APTX: variants seen among roughly 807,000 people sequenced by gnomAD.
APTX encodes the protein forkhead-associated domain histidine triad-like protein.
In APTX, 33 loss-of-function variants were observed where a neutral mutation model predicts 42.3. The ratio of observed to expected loss-of-function variants is 0.78; its 90% CI spans 0.59 to 1.04. APTX has a LOEUF of 1.04. APTX is among the 50% of genes least tolerant of loss of function. The pLI, the probability that APTX is intolerant of heterozygous loss-of-function variation, is 0.00. For missense variants in APTX, 421 were observed against 415.1 expected (o/e 1.01, Z -0.12); for synonymous variants, 130 against 146.7 (o/e 0.89, Z 0.82).
rs920097055 is a variant in APTX, at chr9:32,988,579, C to A, written c.134-450G>T. Among the ~76,000 whole-genome samples, 4 of 146,838 alleles carry A rather than the reference C, an allele frequency of 2.7e-5. No individual in the cohort carries two copies. In the East Asian group the frequency reaches 6.2e-4, roughly 23 times the overall value. On this transcript the variant is annotated intron_variant, in intron 2 of 7. Coordinates refer to ENST00000379817, the MANE Select transcript of APTX (RefSeq NM_001195248.2). ...CCTGTAGTCCCAGCTACTTGGGAGA[C>A]TGAGGTGGGAGAATCACTTGAGCCC...
intron 1 of APTX, among the ~76,000 whole-genome samples, chr9:33,024,590 T>C (rs894714055): frequency 9.2e-5 from 14 of 152,010 alleles, no homozygotes; most frequent in African/African-American, 3.1e-4. Context: ...TCAAAGACGG[T>C]CCAAACGTCT....
chr9:32,976,292 T>C (rs1159696428), intron 6 of APTX, among the ~76,000 whole-genome samples: 2 of 152,066 alleles, frequency 1.3e-5, no homozygotes, highest in African/African-American at 2.4e-5. Context: ...GATGAGTTGA[T>C]GGGCGCAGCA....
At chr9:32,978,701 A>G (rs544940980) in intron 6 of APTX, among the ~76,000 whole-genome samples, 30 of 152,312 alleles carry the variant, frequency 2.0e-4, no homozygotes, top group African/African-American at 7.2e-4. Flanking sequence ...ATGAGGTATC[A>G]CCTGTCCCAT....
intron 1 of APTX, chr9:33,020,046 G>C (rs747082912): frequency 2.8e-5 from 11 of 396,906 alleles, no homozygotes; most frequent in African/African-American, 1.9e-4. Flanking sequence ...GAGCTGCCGG[G>C]GTGTCCGCGC....
At chr9:33,014,713 C>T (rs1374616249) in intron 1 of APTX, among the ~76,000 whole-genome samples, 1 of 152,218 alleles carries the variant, frequency 6.6e-6, no homozygotes, top group Admixed American at 6.5e-5. Context: ...TAAAACATTG[C>T]TAAGCCATGA....
intron 1 of APTX, among the ~76,000 whole-genome samples, chr9:32,992,945 T>C (rs1833976888): frequency 6.6e-6 from 1 of 152,190 alleles, no homozygotes; most frequent in South Asian, 2.1e-4. Context: ...ATGCTATGCG[T>C]TCCAAGGGGC....
In APTX at chr9:32,988,118, C is replaced by T; in HGVS notation, c.145G>A (p.Ala49Thr). 3 of 1,614,128 alleles carry T rather than the reference C, an allele frequency of 1.9e-6. No homozygotes were observed. Among genetic ancestry groups the T allele is most frequent in the Non-Finnish European group, 2.5e-6 (3 of 1,179,972 alleles). The change falls in exon 3 of 8, where the codon GCA becomes ACA. Residue 49 changes from alanine (A) to threonine (T), a missense_variant. Physicochemically the swap from Ala to Thr is moderately conservative, Grantham distance 58. Coordinates refer to ENST00000379817, the MANE Select transcript of APTX (RefSeq NM_001195248.2). ...TTGACATATCCCTTGTTACACTCTG[C>T]TTTCAACTGTACTGAAAGAGATTGG... ...KCSRQQVQLK[A>T]ECNKGYVKVK... is the part of the protein sequence containing the mutation.
chr9:33,014,505 A>C (rs1225842503), intron 1 of APTX, among the ~76,000 whole-genome samples: 7 of 152,214 alleles, frequency 4.6e-5, no homozygotes, highest in Non-Finnish European at 7.4e-5. Context: ...CATCCTTAAC[A>C]AAAGGATGCA....
chr9:32,994,214 G>A (rs890964359), intron 1 of APTX, among the ~76,000 whole-genome samples: 1 of 152,194 alleles, frequency 6.6e-6, no homozygotes, highest in African/African-American at 2.4e-5. Context: ...TACCCACCAC[G>A]TGACAATCGA....
chr9:32,984,892 C>T, intron 5 of APTX, 35 bp from the exon 6 acceptor site: 4 of 1,561,410 alleles, frequency 2.6e-6, no homozygotes, highest in Non-Finnish European at 3.5e-6. Flanking sequence ...AAACAGACAT[C>T]TACTAAGAAT....
At chr9:32,984,158 G>T (rs1831341224) in intron 6 of APTX, among the ~76,000 whole-genome samples, 1 of 152,064 alleles carries the variant, frequency 6.6e-6, no homozygotes. Context: ...ATCCTTCTGG[G>T]CATAAGCCAC....
At chr9:33,015,350 T>C (rs1258741653) in intron 1 of APTX, among the ~76,000 whole-genome samples, 2 of 152,162 alleles carry the variant, frequency 1.3e-5, no homozygotes, top group African/African-American at 4.8e-5. Context: ...GGTCATTGCC[T>C]GAGTTGTATT....
At chr9:33,022,066 G>T (rs185662017) in intron 1 of APTX, among the ~76,000 whole-genome samples, 16 of 151,816 alleles carry the variant, frequency 1.1e-4, no homozygotes, top group African/African-American at 3.9e-4. Context: ...GGGGAAGGTG[G>T]AGAGAAGAAA....
chr9:32,972,952 A>C lies in APTX; in HGVS notation c.*546T>G. On this transcript the variant is annotated 3_prime_UTR_variant, in exon 8 of 8. Coordinates refer to ENST00000379817, the MANE Select transcript of APTX (RefSeq NM_001195248.2). The stretch of plus-strand genomic sequence containing the variant: ...GATGAGACAGAATTCCTGAGAAGGG[A>C]ACATTTAGGTAATCTGGGATAGAAG... 1 of 454,096 alleles carries C rather than the reference A, an allele frequency of 2.2e-6. No individual in the cohort carries two copies. Among genetic ancestry groups the C allele is most frequent in the Non-Finnish European group, 4.4e-6 (1 of 226,784 alleles). 28.1% of individuals were successfully genotyped at this position (454,096 alleles called of 1,614,324 possible).
At chr9:33,013,312 G>T (rs1206548194) in intron 1 of APTX, among the ~76,000 whole-genome samples, 1 of 152,176 alleles carries the variant, frequency 6.6e-6, no homozygotes, top group Non-Finnish European at 1.5e-5. Flanking sequence ...TAAGTAACTT[G>T]TTTGTGGCGG....
chr9:33,014,171 T>C (rs1837736875), intron 1 of APTX, among the ~76,000 whole-genome samples: 1 of 152,230 alleles, frequency 6.6e-6, no homozygotes, highest in Non-Finnish European at 1.5e-5. Flanking sequence ...GCCTCTGCTC[T>C]GAGGGACAAC....
At chr9:33,010,548 C>T (rs1420214987) in intron 1 of APTX, among the ~76,000 whole-genome samples, 1 of 151,852 alleles carries the variant, frequency 6.6e-6, no homozygotes, top group South Asian at 2.1e-4. Flanking sequence ...GGTGAAACCC[C>T]GTCCCTACTA....
intron 1 of APTX, among the ~76,000 whole-genome samples, chr9:33,008,664 G>A (rs1486154183): frequency 2.7e-5 from 4 of 150,876 alleles, no homozygotes; most frequent in Non-Finnish European, 5.9e-5. Context: ...CAATTCTCCT[G>A]CCTCAGCCTC....
chr9:33,016,676 C>A lies in APTX; in HGVS notation c.-5+8347G>T, dbSNP rs569433677. 9.2e-5 allele frequency among the ~76,000 whole-genome samples: 14 copies of A among 151,832 alleles called. No homozygotes were observed. In the East Asian group the frequency reaches 2.1e-3, roughly 23 times the overall value. ...AAATAGAATGCATTACACTCCCCCC[C>A]CCATTTTTTTAGAATTAAAAAAAGC... On this transcript the variant is annotated intron_variant, in intron 1 of 6. Transcript: ENST00000436040.
Sources: gnomAD v4.1 joint callset for allele counts (sites outside exome capture counted in the v4.1 genomes callset) on GRCh38, gnomAD v4.1.1 for gene constraint, MANE v1.5 for transcripts, NCBI Gene and HGNC (gene_info 2026-07-23, HGNC 2026-07-21) for gene names.